The following SNAPC1 variants were observed in gnomAD, a reference collection of about 807,000 sequenced individuals.
SNAPC1 encodes snRNA-activating protein complex subunit 1.
A neutral mutation model predicts 50.1 loss-of-function variants in SNAPC1; 42 were observed. The ratio of observed to expected loss-of-function variants is 0.84; its 90% confidence interval spans 0.65 to 1.08. The LOEUF is 1.08. SNAPC1 is among the 50% of genes least tolerant of loss of function. The pLI is 0.00. For missense variants in SNAPC1, 477 were observed against 427.3 expected (o/e 1.12, Z -1.02); for synonymous variants, 164 against 144.2 (o/e 1.14, Z -0.98).
At chr14:61,789,206 G>C (rs1246558727) in intron 8 of SNAPC1, among the ~76,000 whole-genome samples, 1 of 149,330 alleles carries the variant, frequency 6.7e-6, no homozygotes, top group Non-Finnish European at 1.5e-5. Flanking sequence ...TCTTCAGCCT[G>C]GGTGACAGAG....
Position 61,766,956 on chromosome 14 carries a change from A to G in SNAPC1, c.209A>G (p.Tyr70Cys). The G allele has an allele frequency of 1.9e-6, 3 of 1,609,926 alleles. No individual in the cohort carries two copies. Among genetic ancestry groups the G allele is most frequent in the Non-Finnish European group, 2.6e-6 (3 of 1,176,358 alleles). The part of the protein sequence containing the change: ...ALAWRYFLPP[Y>C]TFQIRVGALY... ...GCTTGGCGATATTTTTTACCTCCAT[A>G]CACCTTCCAGATCAGAGTTGGTGCT... The change falls in exon 2 of 10, where the codon TAC (tyrosine) becomes TGC (cysteine). Residue 70 changes from tyrosine (Y) to cysteine (C), a missense_variant. Tyr to Cys is a radical substitution (Grantham distance 194). Transcript: ENST00000216294.
chr14:61,764,882 C>G (rs1241966765), intron 1 of SNAPC1, among the ~76,000 whole-genome samples: 1 of 152,166 alleles, frequency 6.6e-6, no homozygotes, highest in African/African-American at 2.4e-5. Flanking sequence ...CCTACTACCC[C>G]CTTCCCTTCC....
intron 8 of SNAPC1, among the ~76,000 whole-genome samples, chr14:61,787,299 T>C (rs939827598): frequency 2.0e-5 from 3 of 152,198 alleles, no homozygotes; most frequent in Non-Finnish European, 4.4e-5. Flanking sequence ...TCAATAAACC[T>C]GACTGATGGC....
intron 4 of SNAPC1, among the ~76,000 whole-genome samples, chr14:61,771,341 T>C (rs1374622153): frequency 6.6e-6 from 1 of 152,224 alleles, no homozygotes; most frequent in Non-Finnish European, 1.5e-5. Flanking sequence ...GGTTAGGAAG[T>C]AATGGAGCTA....
At chr14:61,763,223 T>C (rs112605002) in intron 1 of SNAPC1, among the ~76,000 whole-genome samples, 52,573 of 151,396 alleles carry the variant, frequency 0.35, 9,573 homozygotes, top group African/African-American at 0.45. Context: ...GAACTCCTGA[T>C]CTCGTGACCC....
At position 61,778,257 on chromosome 14, in the gene SNAPC1, A is replaced by T. The variant is rs969045370; in HGVS notation, c.762+117A>T. 8 of 590,458 alleles carry T rather than the reference A, an allele frequency of 1.4e-5. No individual in the cohort carries two copies. In the East Asian group the frequency reaches 2.6e-4, roughly 19 times the overall value. The allele number at this position is 590,458 out of a possible 1,614,324, so 36.6% of individuals were successfully genotyped here. A position where few individuals can be genotyped will look rare whatever the true frequency, so the allele number is the denominator to read the frequency against. Reference sequence around the variant, plus strand: ...GAAAATTCTGAATCATGCTTCTGTGAAAAGGTAGTTTGTTCTTTACTGGAA... The same window carrying T: ...GAAAATTCTGAATCATGCTTCTGTGTAAAGGTAGTTTGTTCTTTACTGGAA... On this transcript the variant is annotated intron_variant, in intron 6 of 9. Transcript: ENST00000216294.
chr14:61,790,463 C>T (rs752666824), intron 8 of SNAPC1, among the ~76,000 whole-genome samples: 3 of 152,092 alleles, frequency 2.0e-5, no homozygotes, highest in Non-Finnish European at 4.4e-5. Flanking sequence ...AGCCTCCCCA[C>T]TAGCTGTGAT....
intron 5 of SNAPC1, among the ~76,000 whole-genome samples, chr14:61,776,815 C>T (rs896563847): frequency 6.6e-6 from 1 of 152,148 alleles, no homozygotes; most frequent in African/African-American, 2.4e-5. Flanking sequence ...CATTGTCTAC[C>T]TGGTATGGTT....
chr14:61,778,179 A>G (rs1043344007), intron 6 of SNAPC1, 39 bp downstream of exon 6: 7 of 1,225,406 alleles, frequency 5.7e-6, no homozygotes, highest in Non-Finnish European at 7.2e-6. Context: ...TGTGGCTGTG[A>G]TTCTGTATAC....
rs1033937889 is a variant in SNAPC1, at chr14:61,795,765, G to T, written c.*782G>T. ...GAATATGCCACTCTGTTAATTTCTT[G>T]TTCCAGACATTTTAATAGAGATTGC... On this transcript the variant is annotated 3_prime_UTR_variant, in exon 10 of 10. Transcript: ENST00000216294. The T allele has an allele frequency of 1.5e-4, 23 of 150,060 alleles. No individual in the cohort carries two copies. The highest frequency in any genetic ancestry group is 3.1e-4 in the Non-Finnish European group (21 of 67,660). The allele number at this position is 150,060 out of a possible 1,614,324, so 9.3% of individuals were successfully genotyped here. A position where few individuals can be genotyped will look rare whatever the true frequency, so the allele number is the denominator to read the frequency against.
chr14:61,783,860 G>A (rs368878275), intron 8 of SNAPC1, among the ~76,000 whole-genome samples: 1 of 152,056 alleles, frequency 6.6e-6, no homozygotes, highest in Non-Finnish European at 1.5e-5. Flanking sequence ...TTTAAAAATT[G>A]TCTGAATAAT....
chr14:61,778,285 C>A, intron 6 of SNAPC1, 145 bp downstream of exon 6: 1 of 522,446 alleles, frequency 1.9e-6, no homozygotes. Flanking sequence ...TACTGGAAGC[C>A]TTGTGGAGGC....
chr14:61,771,296 G>C (rs570872990), intron 4 of SNAPC1, among the ~76,000 whole-genome samples: 17 of 152,260 alleles, frequency 1.1e-4, no homozygotes, highest in African/African-American at 3.9e-4. Context: ...TTTTATCCGT[G>C]ATTTAAAGTT....
rs1029530737 is a variant in SNAPC1 at position 61,766,995 on chromosome 14, A to G, written c.248A>G (p.Tyr83Cys). Reference protein sequence around the residue: ...QIRVGALYLLYGLYNTQLCQP... With the variant: ...QIRVGALYLLCGLYNTQLCQP... ...AGAGTTGGTGCTTTGTATCTGCTATATGGATTATATAATACCCAACTGTGT... is the reference window on the plus strand; with the variant it reads ...AGAGTTGGTGCTTTGTATCTGCTATGTGGATTATATAATACCCAACTGTGT... Residue 83 changes from tyrosine (Y) to cysteine (C), a missense_variant, in exon 2 of 10, where the codon TAT (tyrosine) becomes TGT (cysteine). By Grantham distance (194) the Tyr-to-Cys change is radical. Transcript: ENST00000216294. 3 of 1,610,096 alleles carry G rather than the reference A, an allele frequency of 1.9e-6. No individual in the cohort carries two copies. Among genetic ancestry groups the G allele is most frequent in the South Asian group, 1.1e-5 (1 of 90,592 alleles).
intron 4 of SNAPC1, among the ~76,000 whole-genome samples, chr14:61,772,537 C>G (rs2044999700): frequency 6.6e-6 from 1 of 152,104 alleles, no homozygotes; most frequent in African/African-American, 2.4e-5. Context: ...ATCACTACGC[C>G]TGGCCCATGC....
chr14:61,783,345 T>C (rs2045091469), intron 8 of SNAPC1, among the ~76,000 whole-genome samples: 3 of 152,004 alleles, frequency 2.0e-5, no homozygotes, highest in African/African-American at 4.8e-5. Flanking sequence ...GTGCATATTT[T>C]AGTAGTAATT....
intron 8 of SNAPC1, among the ~76,000 whole-genome samples, chr14:61,789,405 T>TA (rs1173080960): frequency 3.3e-5 from 5 of 152,132 alleles, no homozygotes; most frequent in African/African-American, 7.2e-5. Flanking sequence ...CACATGAACA[T>TA]AATATATAGC....
chr14:61,778,943 TTGAC>T, intron 7 of SNAPC1, 33 bp downstream of exon 7: 2 of 1,163,444 alleles, frequency 1.7e-6, no homozygotes, highest in South Asian at 2.7e-5. Flanking sequence ...AATTTGGAAA[TTGAC>T]TGCTTTTTAA....
At chr14:61,770,985 G>A (rs897772016) in intron 4 of SNAPC1, among the ~76,000 whole-genome samples, 10 of 151,920 alleles carry the variant, frequency 6.6e-5, no homozygotes, top group African/African-American at 1.9e-4. Flanking sequence ...CAGGCGATCC[G>A]CCCGCCTCAG....
Sources: allele counts gnomAD v4.1 joint callset (sites outside exome capture counted in the v4.1 genomes callset), GRCh38; gene constraint gnomAD v4.1.1; transcripts MANE v1.5; gene names NCBI Gene and HGNC (gene_info 2026-07-23, HGNC 2026-07-21).